KIAA1217: variants seen among roughly 807,000 people sequenced by gnomAD.
KIAA1217 encodes the protein sickle tail protein homolog.
KIAA1217 carries 88 observed loss-of-function variants against 163.9 expected under a neutral mutation model. The observed-to-expected ratio is 0.54, with a 90% CI of 0.45 to 0.64. The LOEUF (loss-of-function observed/expected upper bound fraction) is 0.64. Ranked by LOEUF, KIAA1217 falls within the 30% of genes least tolerant of loss-of-function variation. The probability of loss-of-function intolerance (pLI) is 0.00; values close to 1 mark genes in which losing one functional copy is unlikely to be tolerated. For missense variants in KIAA1217, 2,372 were observed against 2,475.0 expected (o/e 0.96, Z 0.88); for synonymous variants, 903 against 923.1 (o/e 0.98, Z 0.39).
chr10:24,012,672 A>G (rs1847288657), intron 2 of KIAA1217, among the ~76,000 whole-genome samples: 1 of 152,180 alleles, frequency 6.6e-6, no homozygotes, highest in Admixed American at 6.5e-5. Flanking sequence ...GACTTTTTTA[A>G]AAGGCAGAAC....
At chr10:24,404,593 A>AG (rs775385902) in intron 3 of KIAA1217, among the ~76,000 whole-genome samples, 2 of 143,212 alleles carry the variant, frequency 1.4e-5, no homozygotes, top group East Asian at 4.1e-4. Context: ...AAAAAAAAAA[A>AG]CTGAAAATGG....
At chr10:24,403,844 A>G (rs1358840226) in intron 3 of KIAA1217, among the ~76,000 whole-genome samples, 1 of 152,252 alleles carries the variant, frequency 6.6e-6, no homozygotes, top group Non-Finnish European at 1.5e-5. Context: ...TAAAAAAAAT[A>G]GAGATAACAC....
At chr10:24,241,372 T>G (rs1028542933) in intron 2 of KIAA1217, among the ~76,000 whole-genome samples, 3 of 152,208 alleles carry the variant, frequency 2.0e-5, no homozygotes, top group Admixed American at 2.0e-4. Context: ...CCAGGGTATT[T>G]ATATTTTTAT....
intron 1 of KIAA1217, among the ~76,000 whole-genome samples, chr10:23,758,939 G>A (rs1411958215): frequency 1.3e-5 from 2 of 151,534 alleles, no homozygotes; most frequent in Non-Finnish European, 2.9e-5. Context: ...CACCTGGGGT[G>A]GGTTTTTCTA....
chr10:23,869,410 C>T (rs529871204), intron 1 of KIAA1217, among the ~76,000 whole-genome samples: 38 of 152,050 alleles, frequency 2.5e-4, no homozygotes, highest in African/African-American at 8.9e-4. Flanking sequence ...AAGTGGGTGG[C>T]AGTGCTGCTG....
At chr10:23,956,470 T>TA (rs376910147) in intron 1 of KIAA1217, among the ~76,000 whole-genome samples, 98 of 148,876 alleles carry the variant, frequency 6.6e-4, no homozygotes, top group East Asian at 4.3e-3. Context: ...CTCACTGCAT[T>TA]AAAAAAAAAA....
At chr10:24,405,023 G>A (rs1043257749) in intron 3 of KIAA1217, among the ~76,000 whole-genome samples, 1 of 152,176 alleles carries the variant, frequency 6.6e-6, no homozygotes, top group Admixed American at 6.5e-5. Context: ...GCACTTGGGG[G>A]CCTAGTTATG....
intron 2 of KIAA1217, among the ~76,000 whole-genome samples, chr10:24,146,489 C>G (rs993505992): frequency 6.6e-6 from 1 of 152,104 alleles, no homozygotes; most frequent in African/African-American, 2.4e-5. Flanking sequence ...TCCAGCAAGC[C>G]AGCCTGGGCA....
chr10:24,465,665 C>T (rs1274645539), intron 5 of KIAA1217, among the ~76,000 whole-genome samples: 4 of 152,304 alleles, frequency 2.6e-5, no homozygotes, highest in African/African-American at 9.6e-5. Flanking sequence ...GGAGATGCTT[C>T]CTTTCTCCCC....
intron 1 of KIAA1217, among the ~76,000 whole-genome samples, chr10:23,776,446 A>G (rs1458133135): frequency 6.6e-6 from 1 of 151,438 alleles, no homozygotes; most frequent in Non-Finnish European, 1.5e-5. Flanking sequence ...TCATATATTT[A>G]TTCATAATAT....
At chr10:24,022,788 C>A (rs1465594848) in intron 2 of KIAA1217, among the ~76,000 whole-genome samples, 2 of 151,564 alleles carry the variant, frequency 1.3e-5, no homozygotes, top group Non-Finnish European at 3.0e-5. Context: ...AAAAATCAAG[C>A]TATCAAGCCA....
intron 6 of KIAA1217, chr10:24,481,105 AT>A (rs1314477340): frequency 3.9e-5 from 6 of 152,166 alleles, no homozygotes; most frequent in Non-Finnish European, 4.4e-5. Flanking sequence ...TGTAGCTGTA[AT>A]TATGGATCAA....
chr10:23,700,787 A>G (rs533659768), intron 1 of KIAA1217, among the ~76,000 whole-genome samples: 44 of 152,320 alleles, frequency 2.9e-4, no homozygotes, highest in Non-Finnish European at 5.6e-4. Context: ...AATTACATCC[A>G]TCTAACTTTC....
At chr10:24,074,742 C>T (rs1406324244) in intron 2 of KIAA1217, among the ~76,000 whole-genome samples, 9 of 134,108 alleles carry the variant, frequency 6.7e-5, no homozygotes, top group African/African-American at 2.4e-4. Flanking sequence ...CTTGCTTTGT[C>T]ACCCAGATTT....
At chr10:23,987,626 T>C (rs1197668169) in intron 1 of KIAA1217, among the ~76,000 whole-genome samples, 2 of 36,010 alleles carry the variant, frequency 5.6e-5, no homozygotes, top group African/African-American at 4.0e-4. Flanking sequence ...TGTGTGTGTA[T>C]GTGTACGTGT....
rs772888244 is a variant in KIAA1217 at position 24,542,714 on chromosome 10, G to A, written c.3556G>A (p.Asp1186Asn). 6.2e-7 allele frequency: 1 copy of A among 1,614,062 alleles called. No homozygotes were observed. Among genetic ancestry groups the A allele is most frequent in the Admixed American group, 1.7e-5 (1 of 60,010 alleles). The change falls in exon 18 of 21, where the codon GAT becomes AAT. Residue 1186 changes from aspartate (D) to asparagine (N), a missense_variant. Asp to Asn is a conservative substitution (Grantham distance 23). Transcript: ENST00000376454. ...EKKNLEFFHE[D>N]VRKSDVEYEN... ...CCAGAATTTGGAATTTTTCCATGAAGATGTACGGAAATCTGATGTTGAATA... is the reference window on the plus strand; with the variant it reads ...CCAGAATTTGGAATTTTTCCATGAAAATGTACGGAAATCTGATGTTGAATA...
chr10:24,315,851 A>G (rs964562254), intron 2 of KIAA1217, among the ~76,000 whole-genome samples: 1 of 148,924 alleles, frequency 6.7e-6, no homozygotes, highest in African/African-American at 2.5e-5. Context: ...TACTTCCTAC[A>G]TTTTGTTTTT....
intron 1 of KIAA1217, among the ~76,000 whole-genome samples, chr10:23,913,999 G>T (rs536007861): frequency 8.5e-5 from 13 of 152,166 alleles, no homozygotes; most frequent in Non-Finnish European, 1.9e-4. Context: ...GGGTGTTGCA[G>T]AAACACAGAG....
chr10:23,715,467 A>G (rs973808409), intron 1 of KIAA1217, among the ~76,000 whole-genome samples: 4 of 152,184 alleles, frequency 2.6e-5, no homozygotes, highest in African/African-American at 7.2e-5. Context: ...ATGTGATGTA[A>G]GTAAAACTTA....
Sources: allele counts gnomAD v4.1 joint callset (sites outside exome capture counted in the v4.1 genomes callset), GRCh38; gene constraint gnomAD v4.1.1; transcripts MANE v1.5; gene names NCBI Gene and HGNC (gene_info 2026-07-23, HGNC 2026-07-21).